GRHL2: variants seen among roughly 807,000 people sequenced by gnomAD.
GRHL2 encodes grainyhead like transcription factor 2, also known as grainyhead-like protein 2 homolog.
Under a neutral mutation model 83.8 loss-of-function variants are expected in GRHL2, and 21 were observed. That is an observed-to-expected ratio of 0.25 (90% CI 0.18 to 0.36). The LOEUF (loss-of-function observed/expected upper bound fraction) is 0.36. Ranked by LOEUF, GRHL2 falls within the 10% of genes least tolerant of loss-of-function variation. GRHL2 has a pLI of 1.00. For missense variants in GRHL2, 623 were observed against 781.8 expected (o/e 0.80, Z 2.42); for synonymous variants, 280 against 278.9 (o/e 1.00, Z -0.04).
chr8:101,522,151 G>C (rs976428173), intron 1 of GRHL2, among the ~76,000 whole-genome samples: 36 of 152,210 alleles, frequency 2.4e-4, no homozygotes, highest in Middle Eastern at 3.4e-3. Flanking sequence ...CATGGCCCAA[G>C]TGTGTGATGT....
At chr8:101,594,807 A>G (rs1586128929) in intron 7 of GRHL2, among the ~76,000 whole-genome samples, 1 of 152,244 alleles carries the variant, frequency 6.6e-6, no homozygotes, top group East Asian at 1.9e-4. Flanking sequence ...TCCTATGAGT[A>G]TGATATTAAG....
intron 14 of GRHL2, among the ~76,000 whole-genome samples, chr8:101,657,453 G>A (rs929214112): frequency 6.6e-6 from 1 of 152,140 alleles, no homozygotes; most frequent in Non-Finnish European, 1.5e-5. Flanking sequence ...TGGGTGTCAA[G>A]GAAGTCTTTG....
chr8:101,619,714 G>A lies in GRHL2; in HGVS notation c.1257+17G>A. The stretch of plus-strand genomic sequence containing the variant: ...TGTGACAAAGTGAGTAAAGATGACA[G>A]TTTTTTATAAAGGTATCTTTTTTAT... On this transcript the variant is annotated intron_variant, in intron 9 of 15. Coordinates refer to ENST00000646743, the MANE Select transcript of GRHL2 (RefSeq NM_024915.4). The A allele has an allele frequency of 6.3e-7, 1 of 1,593,984 alleles. No homozygotes were observed. The highest frequency in any genetic ancestry group is 1.1e-5 in the South Asian group (1 of 90,630).
At chr8:101,525,176 C>T (rs1165290988) in intron 1 of GRHL2, among the ~76,000 whole-genome samples, 2 of 152,138 alleles carry the variant, frequency 1.3e-5, no homozygotes, top group Admixed American at 6.5e-5. Context: ...CTCCTGACCT[C>T]AGGTGATCTG....
chr8:101,528,403 T>C (rs370183329), intron 1 of GRHL2, among the ~76,000 whole-genome samples: 3 of 152,218 alleles, frequency 2.0e-5, no homozygotes, highest in African/African-American at 7.2e-5. Context: ...TGCAGTAGCT[T>C]CTTTTTACCC....
rs559320380 is a variant in GRHL2 at position 101,566,417 on chromosome 8, A to T, written c.679-3922A>T. On this transcript the variant is annotated intron_variant, in intron 4 of 15. Transcript: ENST00000646743. ...TTTGCAGCACCATTTGACACTGTTG[A>T]TCACTCCTCCCTCTTGCAAATGCTC... 5.3e-5 allele frequency among the ~76,000 whole-genome samples: 8 copies of T among 151,710 alleles called. 1 individual carries two copies. In the South Asian group the frequency reaches 1.7e-3, roughly 32 times the overall value.
chr8:101,607,788 G>A (rs1353758614), intron 8 of GRHL2, among the ~76,000 whole-genome samples: 1 of 152,172 alleles, frequency 6.6e-6, no homozygotes, highest in Non-Finnish European at 1.5e-5. Context: ...GGAGTCTTTG[G>A]TATTGAACTT....
At chr8:101,521,572 C>CT (rs1427524713) in intron 1 of GRHL2, among the ~76,000 whole-genome samples, 5 of 152,170 alleles carry the variant, frequency 3.3e-5, no homozygotes, top group Non-Finnish European at 7.3e-5. Context: ...CTGGGTCTGT[C>CT]TTTTTCATCG....
At chr8:101,653,025 G>A (rs1340696479) in intron 14 of GRHL2, among the ~76,000 whole-genome samples, 1 of 152,128 alleles carries the variant, frequency 6.6e-6, no homozygotes, top group Non-Finnish European at 1.5e-5. Context: ...GCACAGCATG[G>A]GGCTGTGGAA....
chr8:101,637,635 A>C (rs1813315888), intron 12 of GRHL2, among the ~76,000 whole-genome samples: 1 of 152,222 alleles, frequency 6.6e-6, no homozygotes, highest in African/African-American at 2.4e-5. Context: ...CTCGTAGATC[A>C]TGGTAATAGC....
At chr8:101,671,137 G>A (rs572394608), downstream of GRHL2, among the ~76,000 whole-genome samples, 21 of 152,282 alleles carry the variant, frequency 1.4e-4, no homozygotes, top group Middle Eastern at 3.4e-3. Flanking sequence ...CTGAGGTACC[G>A]GGTTCATCTC....
chr8:101,500,310 C>A (rs1170937733), intron 1 of GRHL2, among the ~76,000 whole-genome samples: 1 of 152,156 alleles, frequency 6.6e-6, no homozygotes, highest in Admixed American at 6.5e-5. Context: ...GATAGCTTCA[C>A]TGGTCTTCAA....
chr8:101,661,369 T>A (rs1262299864), intron 14 of GRHL2, among the ~76,000 whole-genome samples: 1 of 152,198 alleles, frequency 6.6e-6, no homozygotes, highest in Non-Finnish European at 1.5e-5. Flanking sequence ...TTTGTGAATC[T>A]AGTGGTCCCT....
chr8:101,570,854 T>C (rs1195392128), intron 5 of GRHL2, among the ~76,000 whole-genome samples: 1 of 152,252 alleles, frequency 6.6e-6, no homozygotes, highest in Admixed American at 6.5e-5. Flanking sequence ...ACTTGCTAAA[T>C]GCTGAATTGT....
chr8:101,515,053 C>T (rs1810543100), intron 1 of GRHL2, among the ~76,000 whole-genome samples: 1 of 150,444 alleles, frequency 6.6e-6, no homozygotes, highest in South Asian at 2.1e-4. Flanking sequence ...ATCCTTCCTT[C>T]CTTCCTTCCC....
At chr8:101,544,759 A>T (rs1811226698) in intron 2 of GRHL2, among the ~76,000 whole-genome samples, 1 of 152,210 alleles carries the variant, frequency 6.6e-6, no homozygotes, top group African/African-American at 2.4e-5. Flanking sequence ...CAGCAAAATC[A>T]TGCAGGAAAG....
At chr8:101,609,569 G>A (rs962767852) in intron 8 of GRHL2, among the ~76,000 whole-genome samples, 4 of 150,996 alleles carry the variant, frequency 2.6e-5, no homozygotes, top group Non-Finnish European at 4.4e-5. Flanking sequence ...GACATTCATT[G>A]CAGCATTATT....
the GRHL2 span, among the ~76,000 whole-genome samples, chr8:101,681,168 A>G: frequency 4.8e-5 from 7 of 147,218 alleles, no homozygotes; most frequent in Non-Finnish European, 1.0e-4. Context: ...AACAAAATTG[A>G]TAGACCGCTA....
Position 101,575,951 on chromosome 8 carries a change from C to T in GRHL2, c.892-1457C>T, listed in dbSNP as rs117505413. On this transcript the variant is annotated intron_variant, in intron 6 of 15. Coordinates refer to ENST00000646743, the MANE Select transcript of GRHL2 (RefSeq NM_024915.4). ...AACGATATGGATACATATTTCTAAA[C>T]AGTTTTCCTAACAAACATCTGCTTT... 1.4e-4 allele frequency among the ~76,000 whole-genome samples: 21 copies of T among 152,302 alleles called. 1 individual carries two copies. The highest frequency in any genetic ancestry group is 1.2e-4 in the Non-Finnish European group (8 of 68,028).
Sources: gnomAD v4.1 joint callset for allele counts (sites outside exome capture counted in the v4.1 genomes callset) on GRCh38, gnomAD v4.1.1 for gene constraint, MANE v1.5 for transcripts, NCBI Gene and HGNC (gene_info 2026-07-23, HGNC 2026-07-21) for gene names.